STPG4: variants seen among roughly 807,000 people sequenced by gnomAD.
STPG4 encodes sperm-tail PG-rich repeat containing 4, also known as protein STPG4.
Under a neutral mutation model 31.5 loss-of-function variants are expected in STPG4, and 41 were observed. The ratio of observed to expected loss-of-function variants is 1.30; its 90% CI spans 1.01 to 1.69. The LOEUF (loss-of-function observed/expected upper bound fraction) is 1.69. Ranked by LOEUF, STPG4 falls within the 40% of genes most tolerant of loss-of-function variation. STPG4 has a pLI of 0.00. For missense variants in STPG4, 375 were observed against 293.4 expected (o/e 1.28, Z -2.03); for synonymous variants, 141 against 103.0 (o/e 1.37, Z -2.24).
intron 5 of STPG4, among the ~76,000 whole-genome samples, chr2:47,097,970 AAAT>A (rs1685708721): frequency 6.7e-6 from 1 of 149,992 alleles, no homozygotes. Context: ...AAAAAAAAAA[AAAT>A]GCACTGAGGG....
chr2:47,122,669 T>A (rs1034626394), intron 5 of STPG4, among the ~76,000 whole-genome samples: 14 of 127,918 alleles, frequency 1.1e-4, no homozygotes, highest in African/African-American at 3.4e-4. Context: ...GTTTCTGAGC[T>A]CTGTTCAGTT....
At chr2:47,091,873 A>G (rs1367917807) in intron 5 of STPG4, among the ~76,000 whole-genome samples, 1 of 152,040 alleles carries the variant, frequency 6.6e-6, no homozygotes, top group Non-Finnish European at 1.5e-5. Context: ...ATTGTTTCCA[A>G]AAGTGAAAAC....
intron 5 of STPG4, among the ~76,000 whole-genome samples, chr2:47,110,704 T>C (rs1486502782): frequency 6.6e-6 from 1 of 152,244 alleles, no homozygotes; most frequent in Non-Finnish European, 1.5e-5. Flanking sequence ...AGAATTTTAA[T>C]GCATTTCCTA....
At chr2:47,150,056 G>A (rs1686904923) in intron 3 of STPG4, among the ~76,000 whole-genome samples, 1 of 152,200 alleles carries the variant, frequency 6.6e-6, no homozygotes, top group South Asian at 2.1e-4. Flanking sequence ...CTTTGGACAA[G>A]TTATTTAGTC....
chr2:47,089,109 G>A (rs1019816499), intron 6 of STPG4, among the ~76,000 whole-genome samples: 12 of 152,154 alleles, frequency 7.9e-5, no homozygotes, highest in Admixed American at 3.3e-4. Context: ...CACCACGCCC[G>A]TATGGTGAAT....
chr2:47,125,645 A>C (rs1225933697), intron 5 of STPG4, among the ~76,000 whole-genome samples: 2 of 152,154 alleles, frequency 1.3e-5, no homozygotes, highest in Non-Finnish European at 2.9e-5. Context: ...TCACTCAAGA[A>C]ATCTTTGCCC....
At chr2:47,117,345 G>C (rs1686173288) in intron 5 of STPG4, among the ~76,000 whole-genome samples, 1 of 152,114 alleles carries the variant, frequency 6.6e-6, no homozygotes, top group South Asian at 2.1e-4. Flanking sequence ...GAGTAGCTGG[G>C]ATTAGAGGCA....
intron 5 of STPG4, among the ~76,000 whole-genome samples, chr2:47,115,131 C>T (rs1033522367): frequency 1.3e-5 from 2 of 152,222 alleles, no homozygotes; most frequent in South Asian, 2.1e-4. Flanking sequence ...TTTTTTTTCA[C>T]TTGCACATTT....
Position 47,151,530 on chromosome 2 carries a change from C to T in STPG4, c.142-15G>A, listed in dbSNP as rs573384666. 65 of 1,610,942 alleles carry T rather than the reference C, an allele frequency of 4.0e-5. 2 individuals are homozygous for T. The South Asian group carries it at 7.1e-4, about 17-fold the overall frequency. On this transcript the variant is annotated splice_polypyrimidine_tract_variant and intron_variant, in intron 2 of 6. Coordinates refer to ENST00000445927, the MANE Select transcript of STPG4 (RefSeq NM_001163561.2). The stretch of plus-strand genomic sequence containing the variant: ...ATAGGAGTATCCTGTGGAAAATTGA[C>T]ATCAGTTTTAAGATTGTGTAAACAT...
intron 3 of STPG4, among the ~76,000 whole-genome samples, chr2:47,148,318 A>G (rs1265938569): frequency 6.6e-6 from 1 of 152,032 alleles, no homozygotes; most frequent in Non-Finnish European, 1.5e-5. Context: ...TTGGGTACTA[A>G]TAGTTAGCCA....
At chr2:47,108,532 G>A (rs531613055) in intron 5 of STPG4, 15 of 171,500 alleles carry the variant, frequency 8.7e-5, no homozygotes, top group African/African-American at 2.2e-4. Context: ...GAGTGTCCAC[G>A]GCTTCATTCT....
intron 3 of STPG4, among the ~76,000 whole-genome samples, chr2:47,148,928 A>C (rs1686881586): frequency 6.6e-6 from 1 of 152,228 alleles, no homozygotes; most frequent in Admixed American, 6.5e-5. Context: ...CCACTGAAAG[A>C]TATAAAATGA....
chr2:47,099,206 T>TG (rs1006832658), intron 5 of STPG4, among the ~76,000 whole-genome samples: 15 of 146,758 alleles, frequency 1.0e-4, no homozygotes, highest in South Asian at 2.3e-4. Flanking sequence ...TGGCTGTAGG[T>TG]GTTCACTGCC....
chr2:47,119,977 C>T (rs1440534211), intron 5 of STPG4, among the ~76,000 whole-genome samples: 1 of 152,138 alleles, frequency 6.6e-6, no homozygotes, highest in African/African-American at 2.4e-5. Flanking sequence ...GCTTACAGGT[C>T]ATAGGTACAT....
rs555935236 is a variant in STPG4 at position 47,147,990 on chromosome 2, C to T, written c.399+3268G>A. On this transcript the variant is annotated intron_variant, in intron 3 of 6. Coordinates refer to ENST00000445927, the MANE Select transcript of STPG4 (RefSeq NM_001163561.2). ...TTTTTGAGACCGGGTCTTGCTCTGT[C>T]GCCCAGGCTGGAGGGCAGTGGCACA... Among the ~76,000 whole-genome samples, 74 of 146,482 alleles carry T rather than the reference C, an allele frequency of 5.1e-4. 1 individual carries two copies. Among genetic ancestry groups the T allele is most frequent in the African/African-American group, 1.7e-3 (67 of 39,562 alleles).
intron 5 of STPG4, among the ~76,000 whole-genome samples, chr2:47,105,152 A>G (rs1685884366): frequency 6.6e-6 from 1 of 151,904 alleles, no homozygotes; most frequent in African/African-American, 2.4e-5. Flanking sequence ...ACAGGACAGA[A>G]CTTCTCTTTA....
intron 5 of STPG4, among the ~76,000 whole-genome samples, chr2:47,101,925 A>C (rs752085008): frequency 3.3e-5 from 5 of 151,674 alleles, no homozygotes; most frequent in Non-Finnish European, 7.4e-5. Context: ...TAGGACTCTA[A>C]CAGGTTTTCG....
intron 5 of STPG4, among the ~76,000 whole-genome samples, chr2:47,115,618 T>G (rs1390392547): frequency 6.6e-6 from 1 of 151,786 alleles, no homozygotes; most frequent in African/African-American, 2.4e-5. Context: ...CATCCTTCTG[T>G]CTGTTTATCT....
At chr2:47,146,891 C>T (rs943557121) in intron 3 of STPG4, among the ~76,000 whole-genome samples, 2 of 151,894 alleles carry the variant, frequency 1.3e-5, no homozygotes, top group African/African-American at 2.4e-5. Context: ...AATCTCAGCA[C>T]TTTGGGGGGA....
Sources: gnomAD v4.1 joint callset for allele counts (sites outside exome capture counted in the v4.1 genomes callset) on GRCh38, gnomAD v4.1.1 for gene constraint, MANE v1.5 for transcripts, NCBI Gene and HGNC (gene_info 2026-07-23, HGNC 2026-07-21) for gene names.